The following IMMP2L variants were observed in gnomAD, a reference collection of about 807,000 sequenced individuals.
IMMP2L encodes the protein mitochondrial inner membrane protease subunit 2.
Under a neutral mutation model 19.3 loss-of-function variants are expected in IMMP2L, and 18 were observed. The ratio of observed to expected loss-of-function variants is 0.93; its 90% CI spans 0.64 to 1.38. IMMP2L has a LOEUF of 1.38. Ranked by LOEUF, IMMP2L falls within the 40% of genes most tolerant of loss-of-function variation. The probability of loss-of-function intolerance (pLI) is 0.00; values close to 1 mark genes in which losing one functional copy is unlikely to be tolerated. For synonymous variants in IMMP2L, 76 were observed against 73.0 expected (o/e 1.04, Z -0.21); for missense variants, 233 against 218.2 (o/e 1.07, Z -0.43).
chr7:110,663,782 A>G, intron 5 of IMMP2L, 61 bp from the exon 6 acceptor site: 1 of 1,186,302 alleles, frequency 8.4e-7, no homozygotes, highest in Non-Finnish European at 1.2e-6. Context: ...AATCATTATT[A>G]ATAGCTTGAA....
chr7:110,743,957 G>C (rs1276264584), intron 5 of IMMP2L, among the ~76,000 whole-genome samples: 2 of 152,160 alleles, frequency 1.3e-5, no homozygotes, highest in African/African-American at 4.8e-5. Flanking sequence ...GAGCCAAGTA[G>C]TCTGGTTCGT....
chr7:111,301,854 T>C (rs1463404648), intron 3 of IMMP2L, among the ~76,000 whole-genome samples: 1 of 143,386 alleles, frequency 7.0e-6, no homozygotes, highest in Non-Finnish European at 1.5e-5. Context: ...TTGAATACTA[T>C]AGCTATACAG....
chr7:111,256,816 A>G (rs1816748758), intron 3 of IMMP2L, among the ~76,000 whole-genome samples: 2 of 152,048 alleles, frequency 1.3e-5, no homozygotes, highest in African/African-American at 4.8e-5. Context: ...GAGAAAAAAC[A>G]TTTTCACAAT....
chr7:110,960,204 T>C (rs2129555198), intron 4 of IMMP2L, among the ~76,000 whole-genome samples: 1 of 152,092 alleles, frequency 6.6e-6, no homozygotes, highest in African/African-American at 2.4e-5. Context: ...AAGATATAAT[T>C]CATATAACAG....
chr7:111,397,872 T>G (rs554529692), intron 3 of IMMP2L, among the ~76,000 whole-genome samples: 2 of 152,210 alleles, frequency 1.3e-5, no homozygotes, highest in South Asian at 4.1e-4. Flanking sequence ...TTTTGCATAA[T>G]CAAATTTGTT....
At chr7:110,851,269 A>T (rs1407842027) in intron 5 of IMMP2L, among the ~76,000 whole-genome samples, 1 of 152,148 alleles carries the variant, frequency 6.6e-6, no homozygotes, top group African/African-American at 2.4e-5. Context: ...TAAATAGATC[A>T]TCTTTACACA....
At chr7:111,268,591 T>C (rs1227360886) in intron 3 of IMMP2L, among the ~76,000 whole-genome samples, 5 of 93,134 alleles carry the variant, frequency 5.4e-5, no homozygotes, top group African/African-American at 2.0e-4. Context: ...TTTTTTTTTT[T>C]TTTTTTTTTT....
intron 5 of IMMP2L, among the ~76,000 whole-genome samples, chr7:110,798,368 GA>G (rs1250991176): frequency 6.6e-6 from 1 of 151,942 alleles, no homozygotes; most frequent in Non-Finnish European, 1.5e-5. Flanking sequence ...GCACAAAGAA[GA>G]AATCAGAAGG....
intron 3 of IMMP2L, among the ~76,000 whole-genome samples, chr7:110,973,941 C>A (rs1023402514): frequency 2.6e-5 from 4 of 152,130 alleles, no homozygotes; most frequent in South Asian, 2.1e-4. Context: ...CAAAATGGGG[C>A]CAAACCGTCA....
chr7:111,488,367 C>A (rs770070809), intron 2 of IMMP2L, among the ~76,000 whole-genome samples: 7 of 152,070 alleles, frequency 4.6e-5, no homozygotes, highest in Non-Finnish European at 7.4e-5. Flanking sequence ...CCCCAAAGTC[C>A]AATGTGTCAT....
chr7:111,287,013 G>C (rs1820560838), intron 3 of IMMP2L, among the ~76,000 whole-genome samples: 1 of 152,214 alleles, frequency 6.6e-6, no homozygotes. Flanking sequence ...CCCTAGAGAA[G>C]TGAGATGACT....
intron 3 of IMMP2L, among the ~76,000 whole-genome samples, chr7:111,332,898 C>G (rs746792086): frequency 1.3e-5 from 2 of 152,030 alleles, no homozygotes; most frequent in Non-Finnish European, 2.9e-5. Flanking sequence ...ATACTGTCAA[C>G]TTGATTGGAT....
At chr7:110,718,829 C>T (rs542197522) in intron 5 of IMMP2L, among the ~76,000 whole-genome samples, 1 of 152,180 alleles carries the variant, frequency 6.6e-6, no homozygotes, top group South Asian at 2.1e-4. Flanking sequence ...CTGAAATAGC[C>T]AGAAGCAGCA....
intron 3 of IMMP2L, among the ~76,000 whole-genome samples, chr7:111,100,263 C>T (rs898289181): frequency 6.6e-6 from 1 of 151,442 alleles, no homozygotes; most frequent in Non-Finnish European, 1.5e-5. Context: ...AATGCCTTAT[C>T]ACATATTTCT....
chr7:111,347,969 T>G (rs1011383871), intron 3 of IMMP2L, among the ~76,000 whole-genome samples: 1 of 151,674 alleles, frequency 6.6e-6, no homozygotes, highest in African/African-American at 2.4e-5. Flanking sequence ...AAAAAAAGGA[T>G]GAGTTCATGT....
Position 110,850,823 on chromosome 7 carries a change from G to T in IMMP2L, c.408+35770C>A, listed in dbSNP as rs115598714. Reference sequence around the variant, plus strand: ...AAAGTAATATAAAAGATTAAAACTGGAATATATATTTATAAATGTAGACAG... The same window carrying T: ...AAAGTAATATAAAAGATTAAAACTGTAATATATATTTATAAATGTAGACAG... On this transcript the variant is annotated intron_variant, in intron 5 of 5. Transcript: ENST00000405709. 4.5e-3 allele frequency among the ~76,000 whole-genome samples: 682 copies of T among 151,800 alleles called. 6 individuals carry two copies. The highest frequency in any genetic ancestry group is 0.016 in the African/African-American group (660 of 41,424).
intron 3 of IMMP2L, among the ~76,000 whole-genome samples, chr7:111,154,711 C>T (rs935739179): frequency 6.6e-6 from 1 of 152,066 alleles, no homozygotes; most frequent in Non-Finnish European, 1.5e-5. Flanking sequence ...GAGATGGCTG[C>T]GATCTAAAAA....
intron 1 of IMMP2L, among the ~76,000 whole-genome samples, chr7:111,528,522 G>A (rs1182781029): frequency 6.6e-6 from 1 of 152,120 alleles, no homozygotes; most frequent in Non-Finnish European, 1.5e-5. Flanking sequence ...CTGGCATACA[G>A]CACTTACAAG....
At chr7:110,817,741 C>A (rs531253219) in intron 5 of IMMP2L, among the ~76,000 whole-genome samples, 2 of 152,234 alleles carry the variant, frequency 1.3e-5, no homozygotes, top group East Asian at 3.9e-4. Flanking sequence ...ACCAAAACAG[C>A]ATGGTACTGG....
Sources: allele counts gnomAD v4.1 joint callset (sites outside exome capture counted in the v4.1 genomes callset), GRCh38; gene constraint gnomAD v4.1.1; transcripts MANE v1.5; gene names NCBI Gene and HGNC (gene_info 2026-07-23, HGNC 2026-07-21).